The following MBNL1 variants were observed in gnomAD, a reference collection of about 807,000 sequenced individuals.
The protein encoded by MBNL1 is muscleblind-like protein 1.
Under a neutral mutation model 42.2 loss-of-function variants are expected in MBNL1, and 8 were observed. The observed-to-expected ratio is 0.19, with a 90% CI of 0.11 to 0.34. The LOEUF (loss-of-function observed/expected upper bound fraction) is 0.34, where lower values mean the gene tolerates loss of function less well. Among genes scored for constraint, MBNL1 ranks in the 10% least tolerant of loss-of-function variants. The pLI, the probability that MBNL1 is intolerant of heterozygous loss-of-function variation, is 1.00. For missense variants in MBNL1, 309 were observed against 495.3 expected (o/e 0.62, Z 3.57); for synonymous variants, 169 against 173.9 (o/e 0.97, Z 0.22).
intron 6 of MBNL1, among the ~76,000 whole-genome samples, chr3:152,454,436 T>C (rs2153939448): frequency 6.6e-6 from 1 of 152,344 alleles, no homozygotes; most frequent in South Asian, 2.1e-4. Flanking sequence ...TGCTAAGATT[T>C]AGATAGAAAT....
intron 2 of MBNL1, among the ~76,000 whole-genome samples, chr3:152,359,508 TAATATCAC>T (rs1373167034): frequency 6.6e-6 from 1 of 152,190 alleles, no homozygotes; most frequent in African/African-American, 2.4e-5. Context: ...GTGCAGGCAC[TAATATCAC>T]AGACTTAAAG....
intron 2 of MBNL1, among the ~76,000 whole-genome samples, chr3:152,319,585 T>C (rs2152360882): frequency 6.7e-6 from 1 of 149,250 alleles, no homozygotes; most frequent in East Asian, 2.0e-4. Flanking sequence ...TCTGAGGCCT[T>C]GGTTACGGTG....
chr3:152,442,012 C>T (rs1266935910), intron 4 of MBNL1, among the ~76,000 whole-genome samples: 2 of 152,178 alleles, frequency 1.3e-5, no homozygotes, highest in African/African-American at 2.4e-5. Flanking sequence ...AGGCTGGTCT[C>T]GAACTCCTGT....
intron 1 of MBNL1, 197 bp downstream of exon 1, chr3:152,269,289 A>AGCCGCTCCTGCGCCCTTCCCT (rs916820960): frequency 4.0e-4 from 143 of 353,312 alleles, no homozygotes; most frequent in African/African-American, 2.8e-3. Context: ...GGTGAGCCGC[A>AGCCGCTCCTGCGCCCTTCCCT]GCCGCTCCTG....
At chr3:152,294,500 G>C (rs1235042204) in intron 1 of MBNL1, among the ~76,000 whole-genome samples, 1 of 152,018 alleles carries the variant, frequency 6.6e-6, no homozygotes, top group Non-Finnish European at 1.5e-5. Flanking sequence ...TAGCCAGGAT[G>C]ATCTTGATCT....
At chr3:152,311,001 CTTTTTTT>C (rs71144111) in intron 2 of MBNL1, among the ~76,000 whole-genome samples, 126 of 77,538 alleles carry the variant, frequency 1.6e-3, no homozygotes, top group Non-Finnish European at 2.5e-3. Context: ...AACCATGAGA[CTTTTTTT>C]TTTTTTTTTT....
At chr3:152,331,330 C>G (rs1389342252) in intron 2 of MBNL1, among the ~76,000 whole-genome samples, 1 of 152,188 alleles carries the variant, frequency 6.6e-6, no homozygotes, top group African/African-American at 2.4e-5. Flanking sequence ...AACACTAAGT[C>G]ATACTGAGTC....
intron 2 of MBNL1, among the ~76,000 whole-genome samples, chr3:152,370,101 G>T (rs1227934889): frequency 6.6e-6 from 1 of 151,754 alleles, no homozygotes; most frequent in East Asian, 1.9e-4. Flanking sequence ...TTGTGATGGG[G>T]TATTGATTTT....
At chr3:152,359,732 T>G (rs1346534183) in intron 2 of MBNL1, among the ~76,000 whole-genome samples, 1 of 152,166 alleles carries the variant, frequency 6.6e-6, no homozygotes. Flanking sequence ...TTAATGTGAT[T>G]GCTACATGTG....
chr3:152,379,229 C>G (rs2097070168), intron 2 of MBNL1, among the ~76,000 whole-genome samples: 1 of 152,156 alleles, frequency 6.6e-6, no homozygotes, highest in Non-Finnish European at 1.5e-5. Context: ...AGACTCTACA[C>G]TGAAGCAGGA....
chr3:152,382,043 G>A (rs779892327), intron 2 of MBNL1, among the ~76,000 whole-genome samples: 28 of 151,978 alleles, frequency 1.8e-4, no homozygotes, highest in African/African-American at 4.3e-4. Flanking sequence ...CTAAGTAGGC[G>A]TAACATACTC....
intron 2 of MBNL1, among the ~76,000 whole-genome samples, chr3:152,302,750 A>G (rs2061255028): frequency 6.6e-6 from 1 of 152,202 alleles, no homozygotes; most frequent in Admixed American, 6.5e-5. Context: ...AATTTAGAAA[A>G]CTTGTAATAA....
rs559794531 is a variant in MBNL1 at position 152,305,373 on chromosome 3, A to T, written c.174+5006A>T. On this transcript the variant is annotated intron_variant, in intron 2 of 9. Coordinates refer to ENST00000324210, the MANE Select transcript of MBNL1 (RefSeq NM_021038.5). ...TTGCCAAGGATAAGTAGAGGATTTC[A>T]GCTATCAACATTGCTAATCCGTTAC... is the stretch of plus-strand genomic sequence containing the variant. Among the ~76,000 whole-genome samples the T allele has an allele frequency of 3.9e-5, 6 of 152,296 alleles. No homozygotes were observed. In the East Asian group the frequency reaches 1.2e-3, roughly 29 times the overall value.
At chr3:152,294,408 C>T (rs1472814412) in intron 1 of MBNL1, among the ~76,000 whole-genome samples, 2 of 151,370 alleles carry the variant, frequency 1.3e-5, no homozygotes, top group African/African-American at 2.4e-5. Flanking sequence ...CTCACCCTCC[C>T]GAGTAGCTGG....
chr3:152,404,355 A>G (rs1393151525), intron 2 of MBNL1, among the ~76,000 whole-genome samples: 1 of 152,222 alleles, frequency 6.6e-6, no homozygotes, highest in African/African-American at 2.4e-5. Flanking sequence ...TGGAAGAGTT[A>G]CAGTGGAAAT....
intron 8 of MBNL1, chr3:152,457,900 A>G (rs888301858): frequency 4.2e-6 from 2 of 480,150 alleles, no homozygotes; most frequent in Non-Finnish European, 7.5e-6. Context: ...TTCATGCATA[A>G]TCTTGGATCT....
intron 2 of MBNL1, among the ~76,000 whole-genome samples, chr3:152,373,350 A>T (rs1295077108): frequency 6.1e-5 from 9 of 148,474 alleles, no homozygotes; most frequent in Non-Finnish European, 1.3e-4. Flanking sequence ...GGAAAAAAAA[A>T]AAAAAAAAAA....
At chr3:152,460,181 G>A (rs1451343450) in intron 9 of MBNL1, among the ~76,000 whole-genome samples, 1 of 151,610 alleles carries the variant, frequency 6.6e-6, no homozygotes, top group Non-Finnish European at 1.5e-5. Flanking sequence ...TTGAGCCCAG[G>A]AGGTTGAGGC....
At chr3:152,427,275 C>T (rs557655588) in intron 3 of MBNL1, among the ~76,000 whole-genome samples, 1 of 152,278 alleles carries the variant, frequency 6.6e-6, no homozygotes, top group Non-Finnish European at 1.5e-5. Context: ...TTCAGTCAAA[C>T]TGGATTGAAG....
Sources: allele counts gnomAD v4.1 joint callset (sites outside exome capture counted in the v4.1 genomes callset), GRCh38; gene constraint gnomAD v4.1.1; transcripts MANE v1.5; gene names NCBI Gene and HGNC (gene_info 2026-07-23, HGNC 2026-07-21).